Variants in DNM1 observed in about 807,000 individuals in gnomAD.
DNM1 encodes the protein dynamin 1, also known as dynamin-1.
DNM1 carries 29 observed loss-of-function variants against 104.6 expected under a neutral mutation model. That is an observed-to-expected ratio of 0.28 (90% CI 0.21 to 0.38). The LOEUF (loss-of-function observed/expected upper bound fraction) is 0.38. Ranked by LOEUF, DNM1 falls within the 10% of genes least tolerant of loss-of-function variation. DNM1 has a pLI of 1.00. For synonymous variants in DNM1, 445 were observed against 475.8 expected, an observed-to-expected ratio of 0.94 and a Z score of 0.84; for missense variants, 640 against 1,189.4, an observed-to-expected ratio of 0.54 and a Z score of 6.79.
Position 128,220,302 on chromosome 9 carries a change from C to A in DNM1, c.810C>A (p.Asp270Glu). ...LSHPSYRHLA[D>E]RMGTPYLQKV... is the part of the protein sequence containing the mutation. ...ATCCATCTTATCGCCACTTGGCTGA[C>A]CGTATGGGCACGCCCTACCTGCAGA... Residue 270 changes from aspartate to glutamate, a missense_variant, in exon 6 of 22, where the codon GAC becomes GAA. By Grantham distance (45) the Asp-to-Glu change is conservative. Around this residue, in one of 7 missense-constraint regions of DNM1, gnomAD observed 81 missense variants for 99.8 expected, o/e 0.81. Coordinates refer to ENST00000372923, the MANE Select transcript of DNM1 (RefSeq NM_004408.4). The surrounding 1 kb of genome is among the most constrained non-coding windows in gnomAD (Gnocchi z 5.2). 2 of 1,614,202 alleles carry A rather than the reference C, an allele frequency of 1.2e-6. No homozygotes were observed. Among genetic ancestry groups the A allele is most frequent in the Non-Finnish European group, 1.7e-6 (2 of 1,180,040 alleles).
intron 21 of DNM1, chr9:128,252,512 T>C (rs1829590367): frequency 7.6e-6 from 3 of 396,650 alleles, no homozygotes; most frequent in Non-Finnish European, 1.5e-5. Flanking sequence ...AGAGGTGTAG[T>C]GTGGGCTGCA....
Position 128,205,599 on chromosome 9 carries a change from G to C in DNM1, c.161+1968G>C, listed in dbSNP as rs567105065. 3.3e-5 allele frequency among the ~76,000 whole-genome samples: 5 copies of C among 152,302 alleles called. No individual in the cohort carries two copies. The South Asian group carries it at 8.3e-4, about 25-fold the overall frequency. The stretch of plus-strand genomic sequence containing the variant: ...CACCAGGCACAGGGACGTGTGGGTG[G>C]GTGGGCCTCCATTTCCCCATCTGCG... On this transcript the variant is annotated intron_variant, in intron 1 of 21. Transcript: ENST00000372923.
rs769965768 is a variant in DNM1, at chr9:128,224,690, C to A, written c.1335+301C>A. 6.6e-6 allele frequency among the ~76,000 whole-genome samples: 1 copy of A among 152,008 alleles called. No individual in the cohort carries two copies. Among genetic ancestry groups the A allele is most frequent in the African/African-American group, 2.4e-5 (1 of 41,394 alleles). On this transcript the variant is annotated intron_variant, in intron 10 of 21. Transcript: ENST00000372923. The surrounding 1 kb of genome is among the most constrained non-coding windows in gnomAD (Gnocchi z 4.3). The stretch of plus-strand genomic sequence containing the variant: ...CTCAGAGAATAGGGCTTGAGGGGAC[C>A]CTGAGCCCCCTCCCTGTCCTCGGAG...
At position 128,220,402 on chromosome 9, in the gene DNM1, T is replaced by G; in HGVS notation, c.849+61T>G. 1 of 1,591,642 alleles carries G rather than the reference T, an allele frequency of 6.3e-7. No homozygotes were observed. The highest frequency in any genetic ancestry group is 8.5e-7 in the Non-Finnish European group (1 of 1,170,058). ...AAGCATGAAAACAGGATAAATTAAG[T>G]GTGTTCTGAGAGTGAACAGCAGAGG... On this transcript the variant is annotated intron_variant, in intron 6 of 21. Transcript: ENST00000372923. The surrounding 1 kb of genome is among the most constrained non-coding windows in gnomAD (Gnocchi z 5.2).
intron 14 of DNM1, among the ~76,000 whole-genome samples, chr9:128,241,303 G>A (rs1401322719): frequency 1.3e-5 from 2 of 152,138 alleles, no homozygotes; most frequent in Admixed American, 1.3e-4. Flanking sequence ...CCCATGACCA[G>A]TACCTGGCCA....
chr9:128,210,348 CATTATT>C (rs61012054), intron 1 of DNM1, among the ~76,000 whole-genome samples: 89 of 141,618 alleles, frequency 6.3e-4, no homozygotes, highest in East Asian at 2.3e-3. Flanking sequence ...ATTTATTTGG[CATTATT>C]ATTATTATTA....
chr9:128,248,467 C>T lies in DNM1; in HGVS notation c.1906-116C>T, dbSNP rs1829304555. Reference sequence around the variant, plus strand: ...GAGCCAGGTATGTATTCAGGCCAGTCGCTTCTCTCTGTGCCTCAATATTCT... The same window carrying T: ...GAGCCAGGTATGTATTCAGGCCAGTTGCTTCTCTCTGTGCCTCAATATTCT... On this transcript the variant is annotated intron_variant, in intron 18 of 21. Coordinates refer to ENST00000372923, the MANE Select transcript of DNM1 (RefSeq NM_004408.4). This position sits in a 1 kb window ranked among gnomAD's most constrained non-coding sequence, Gnocchi z 5.6. The T allele has an allele frequency of 3.3e-6, 4 of 1,225,484 alleles. No homozygotes were observed. The highest frequency in any genetic ancestry group is 1.5e-5 in the South Asian group (1 of 68,856). 75.9% of individuals were successfully genotyped at this position (1,225,484 alleles called of 1,614,324 possible). A position where few individuals can be genotyped will look rare whatever the true frequency, so the allele number is the denominator to read the frequency against.
In DNM1 at chr9:128,218,226, T is replaced by G. The variant is rs776377416; in HGVS notation, c.162-5T>G. 1 of 1,614,002 alleles carries G rather than the reference T, an allele frequency of 6.2e-7. No individual in the cohort carries two copies. Among genetic ancestry groups the G allele is most frequent in the Non-Finnish European group, 8.5e-7 (1 of 1,179,944 alleles). On this transcript the variant is annotated splice_polypyrimidine_tract_variant and splice_region_variant and intron_variant, in intron 1 of 21. Transcript: ENST00000372923. The surrounding 1 kb of genome is among the most constrained non-coding windows in gnomAD (Gnocchi z 4.8). The stretch of plus-strand genomic sequence containing the variant: ...GACCCTCCTTTGACCTCCAACTCAT[T>G]GCAGGGACTTCTTGCCTCGAGGATC...
rs554019140 is a variant in DNM1 at position 128,223,086 on chromosome 9, C to T, written c.1196+226C>T. The T allele has an allele frequency of 7.1e-5, 39 of 552,618 alleles. No homozygotes were observed. In the Middle Eastern group the frequency reaches 2.9e-3, roughly 42 times the overall value. 34.2% of individuals were successfully genotyped at this position (552,618 alleles called of 1,614,324 possible). On this transcript the variant is annotated intron_variant, in intron 9 of 21. Transcript: ENST00000372923. ...CTTGCTGGGCCAACTGGGCACAGCC[C>T]AGGGCGCAGGTGGCCGGGGAAACAC...
intron 1 of DNM1, among the ~76,000 whole-genome samples, chr9:128,215,931 C>T (rs958493549): frequency 6.9e-6 from 1 of 145,596 alleles, no homozygotes; most frequent in Admixed American, 6.8e-5. Context: ...TGTTCTATCT[C>T]CACAGCCCTG....
chr9:128,225,663 G>A (rs1835297130), intron 10 of DNM1, among the ~76,000 whole-genome samples: 1 of 152,154 alleles, frequency 6.6e-6, no homozygotes, highest in Non-Finnish European at 1.5e-5. Flanking sequence ...ACGGCACTGG[G>A]AGAGAGCAGG....
rs994664293 is a variant in DNM1 at position 128,224,756 on chromosome 9, C to T, written c.1335+367C>T. Among the ~76,000 whole-genome samples the T allele has an allele frequency of 6.6e-6, 1 of 152,138 alleles. No individual in the cohort carries two copies. The highest frequency in any genetic ancestry group is 1.5e-5 in the Non-Finnish European group (1 of 68,016). ...GCTCCAGGGAGGGGTCTGGGGAAAC[C>T]TTAGCCTTGGAGACAGGTGAAATGC... On this transcript the variant is annotated intron_variant, in intron 10 of 21. Coordinates refer to ENST00000372923, the MANE Select transcript of DNM1 (RefSeq NM_004408.4). This position sits in a 1 kb window ranked among gnomAD's most constrained non-coding sequence, Gnocchi z 4.3.
In DNM1 at chr9:128,220,847, C is replaced by G. The variant is rs1305908131; in HGVS notation, c.849+506C>G. Among the ~76,000 whole-genome samples, 4 of 151,896 alleles carry G rather than the reference C, an allele frequency of 2.6e-5. No homozygotes were observed. Among genetic ancestry groups the G allele is most frequent in the Non-Finnish European group, 5.9e-5 (4 of 67,940 alleles). ...TCACTCCCCCTCTGAGACACTCTCT[C>G]TGGCTCTCTGAGCCTCTATTTCTTT... On this transcript the variant is annotated intron_variant, in intron 6 of 21. Transcript: ENST00000372923. This position sits in a 1 kb window ranked among gnomAD's most constrained non-coding sequence, Gnocchi z 5.2.
chr9:128,240,363 G>C lies in DNM1; in HGVS notation c.1557+367G>C. The C allele has an allele frequency of 3.7e-6, 1 of 273,936 alleles. No individual in the cohort carries two copies. Among genetic ancestry groups the C allele is most frequent in the South Asian group, 4.4e-5 (1 of 22,672 alleles). The allele number at this position is 273,936 out of a possible 1,614,324, so 17.0% of individuals were successfully genotyped here. ...CGCCTCCGGACTTGAATGAAGAGACGAATGAGAAGTCAAGAGAAGTCAAGA... is the reference window on the plus strand; with the variant it reads ...CGCCTCCGGACTTGAATGAAGAGACCAATGAGAAGTCAAGAGAAGTCAAGA... On this transcript the variant is annotated intron_variant, in intron 14 of 21. Coordinates refer to ENST00000372923, the MANE Select transcript of DNM1 (RefSeq NM_004408.4). This position sits in a 1 kb window ranked among gnomAD's most constrained non-coding sequence, Gnocchi z 5.1.
intron 21 of DNM1, chr9:128,252,876 C>G: frequency 1.9e-5 from 13 of 684,428 alleles, no homozygotes; most frequent in Admixed American, 6.1e-5. Flanking sequence ...CAGATCCATG[C>G]TGCACGCGCC....
rs1030066340 is a variant in DNM1, at chr9:128,245,326, C to G, written c.1672-1068C>G. The stretch of plus-strand genomic sequence containing the variant: ...ACGGGGGAGCAAGGTCCCCCTAAAC[C>G]CAGCCCCCCACCTGAGATCCTAGGC... On this transcript the variant is annotated intron_variant, in intron 15 of 21. Transcript: ENST00000372923. The surrounding 1 kb of genome is among the most constrained non-coding windows in gnomAD (Gnocchi z 5.2). Among the ~76,000 whole-genome samples the G allele has an allele frequency of 5.3e-5, 8 of 152,048 alleles. No homozygotes were observed. Among genetic ancestry groups the G allele is most frequent in the African/African-American group, 1.7e-4 (7 of 41,388 alleles).
chr9:128,232,154 G>T (rs1835733879), intron 10 of DNM1: 12 of 417,350 alleles, frequency 2.9e-5, no homozygotes, highest in South Asian at 2.1e-4. Flanking sequence ...ATGCTCTTTG[G>T]CAAATTGCGC....
rs1829476099 is a variant in DNM1 at position 128,250,866 on chromosome 9, G to A, written c.2460G>A (p.Gly820=). The part of the protein sequence containing the change: ...GGAPPVPSRP[G]ASPDPFGPPP... The stretch of plus-strand genomic sequence containing the variant: ...CGCCCCCCGTGCCCTCCAGGCCGGG[G>A]GCTTCCCCTGACCCTTTCGGCCCTC... Residue 820 remains glycine (G), a synonymous_variant, in exon 21 of 22, where the codon GGG becomes GGA. Transcript: ENST00000372923. The A allele has an allele frequency of 7.6e-6, 10 of 1,317,084 alleles. No homozygotes were observed. The highest frequency in any genetic ancestry group is 4.6e-5 in the South Asian group (2 of 43,706). The allele number at this position is 1,317,084 out of a possible 1,614,324, so 81.6% of individuals were successfully genotyped here.
At chr9:128,231,891 C>T (rs529249714) in intron 10 of DNM1, 10 of 405,270 alleles carry the variant, frequency 2.5e-5, no homozygotes, top group Non-Finnish European at 4.9e-5. Context: ...GGCTGAATGG[C>T]TCCAGGGGCT....
Sources: gnomAD v4.1 joint callset for allele counts (sites outside exome capture counted in the v4.1 genomes callset) on GRCh38, gnomAD v4.1.1 for gene constraint, gnomAD v4.1.1 regional missense constraint, Gnocchi (gnomAD v3.1) non-coding constraint, MANE v1.5 for transcripts, NCBI Gene and HGNC (gene_info 2026-07-23, HGNC 2026-07-21) for gene names.